RTN4IP1: variants seen among roughly 807,000 people sequenced by gnomAD.
The protein encoded by RTN4IP1 is reticulon 4 interacting protein 1.
In RTN4IP1, 32 loss-of-function variants were observed where a neutral mutation model predicts 46.6. The ratio of observed to expected loss-of-function variants is 0.69; its 90% CI spans 0.52 to 0.92. The LOEUF (loss-of-function observed/expected upper bound fraction) is 0.92, where lower values mean the gene tolerates loss of function less well. Among genes scored for constraint, RTN4IP1 ranks in the 40% least tolerant of loss-of-function variants. The probability of loss-of-function intolerance (pLI) is 0.00; values close to 1 mark genes in which losing one functional copy is unlikely to be tolerated. For missense variants in RTN4IP1, 424 were observed against 485.8 expected, an observed-to-expected ratio of 0.87 and a Z score of 1.20; for synonymous variants, 167 against 161.8, an observed-to-expected ratio of 1.03 and a Z score of -0.24.
intron 8 of RTN4IP1, among the ~76,000 whole-genome samples, chr6:106,582,292 G>T (rs1369544928): frequency 2.0e-5 from 3 of 152,170 alleles, no homozygotes; most frequent in Non-Finnish European, 4.4e-5. Context: ...CCACCTCCAG[G>T]GGCTCTGTCC....
At chr6:106,614,952 A>C (rs6924412) in intron 4 of RTN4IP1, among the ~76,000 whole-genome samples, 118,269 of 139,338 alleles carry the variant, frequency 0.85, 50,949 homozygotes, top group South Asian at 0.93. Context: ...AAGTGCCCAC[A>C]GCCCCCACCC....
chr6:106,608,451 T>C (rs1253619890), intron 4 of RTN4IP1, among the ~76,000 whole-genome samples: 2 of 152,112 alleles, frequency 1.3e-5, no homozygotes, highest in Non-Finnish European at 2.9e-5. Context: ...TAATAATAAT[T>C]TATTGTATAC....
chr6:106,600,898 G>A (rs1191062141), intron 5 of RTN4IP1, among the ~76,000 whole-genome samples: 1 of 151,780 alleles, frequency 6.6e-6, no homozygotes, highest in Non-Finnish European at 1.5e-5. Flanking sequence ...GAATATTCAT[G>A]AATAAGATTA....
At chr6:106,601,455 G>T (rs1775946344) in intron 5 of RTN4IP1, among the ~76,000 whole-genome samples, 1 of 151,972 alleles carries the variant, frequency 6.6e-6, no homozygotes, top group Non-Finnish European at 1.5e-5. Context: ...TGCTTTGGGT[G>T]TCATATCTAA....
chr6:106,619,221 T>G lies in RTN4IP1; in HGVS notation c.601A>C (p.Lys201Gln), dbSNP rs200457692. ...ACTTACCGTTTTCCTGTGCAATTCT[T>G]GTCATTCAGGCCACCAACTTTGTTT... ...AINKVGGLND[K>Q]NCTGKRVLIL... The change falls in exon 4 of 9, where the codon AAG becomes CAG. Residue 201 changes from lysine to glutamine, a missense_variant. Coordinates refer to ENST00000369063, the MANE Select transcript of RTN4IP1 (RefSeq NM_032730.5). The G allele has an allele frequency of 1.2e-6, 2 of 1,614,076 alleles. No homozygotes were observed. The highest frequency in any genetic ancestry group is 8.5e-7 in the Non-Finnish European group (1 of 1,180,028).
chr6:106,587,046 C>T (rs1775504193), intron 7 of RTN4IP1, among the ~76,000 whole-genome samples: 1 of 152,180 alleles, frequency 6.6e-6, no homozygotes, highest in Admixed American at 6.5e-5. Flanking sequence ...ACACGGAATA[C>T]ACAGTGTTAG....
At chr6:106,624,545 C>T (rs1034932658) in intron 1 of RTN4IP1, among the ~76,000 whole-genome samples, 1 of 151,482 alleles carries the variant, frequency 6.6e-6, no homozygotes, top group Non-Finnish European at 1.5e-5. Flanking sequence ...TCATGTTGGC[C>T]AGGCTGGTCT....
intron 8 of RTN4IP1, among the ~76,000 whole-genome samples, chr6:106,577,939 T>C (rs1775270163): frequency 6.6e-6 from 1 of 152,228 alleles, no homozygotes; most frequent in Non-Finnish European, 1.5e-5. Flanking sequence ...CAAAATCTTA[T>C]TATTATAAGA....
At chr6:106,619,956 G>C (rs1582389568) in intron 3 of RTN4IP1, among the ~76,000 whole-genome samples, 1 of 151,824 alleles carries the variant, frequency 6.6e-6, no homozygotes, top group South Asian at 2.1e-4. Flanking sequence ...TTATTGTAAG[G>C]ATACAGTATA....
At chr6:106,626,785 G>C (rs1776658693) in intron 1 of RTN4IP1, among the ~76,000 whole-genome samples, 1 of 152,190 alleles carries the variant, frequency 6.6e-6, no homozygotes, top group South Asian at 2.1e-4. Context: ...CTTGTTCAGA[G>C]AGTTGGGCCA....
At chr6:106,590,222 A>G (rs1172964152) in intron 6 of RTN4IP1, among the ~76,000 whole-genome samples, 1 of 152,154 alleles carries the variant, frequency 6.6e-6, no homozygotes, top group Non-Finnish European at 1.5e-5. Context: ...CAGGAGGCTG[A>G]GGCACAAGAA....
intron 8 of RTN4IP1, among the ~76,000 whole-genome samples, chr6:106,579,781 CT>C (rs879519568): frequency 0.046 from 6,672 of 145,230 alleles, 224 homozygotes; most frequent in Non-Finnish European, 0.067. Context: ...AATCCAGATT[CT>C]TTTTTTTTTT....
intron 8 of RTN4IP1, among the ~76,000 whole-genome samples, chr6:106,578,513 T>G (rs1248487359): frequency 6.6e-6 from 1 of 152,194 alleles, no homozygotes; most frequent in Admixed American, 6.5e-5. Flanking sequence ...ACAGGAACTG[T>G]TTTTTGTGCT....
intron 6 of RTN4IP1, among the ~76,000 whole-genome samples, chr6:106,589,300 AGAG>A (rs1275678816): frequency 2.3e-4 from 28 of 119,188 alleles, no homozygotes; most frequent in African/African-American, 5.8e-4. Flanking sequence ...GAGAAGAAGA[AGAG>A]GAGGAGGAGG....
intron 3 of RTN4IP1, among the ~76,000 whole-genome samples, chr6:106,619,857 C>T (rs9398097): frequency 0.28 from 41,947 of 151,674 alleles, 6,242 homozygotes; most frequent in East Asian, 0.45. Flanking sequence ...GTGATCCGCC[C>T]GCCTCGGCCT....
rs9486423 is a variant in RTN4IP1 at position 106,604,185 on chromosome 6, C to G, written c.621-1263G>C. Among the ~76,000 whole-genome samples, 286 of 152,192 alleles carry G rather than the reference C, an allele frequency of 1.9e-3. 1 individual carries two copies. The highest frequency in any genetic ancestry group is 6.7e-3 in the African/African-American group (277 of 41,544). ...CACCCTAGTTTCATTTCATTTTTTTCTATCTTGCCCAAATCATAGAAGGCT... is the reference window on the plus strand; with the variant it reads ...CACCCTAGTTTCATTTCATTTTTTTGTATCTTGCCCAAATCATAGAAGGCT... On this transcript the variant is annotated intron_variant, in intron 4 of 8. Transcript: ENST00000369063.
intron 4 of RTN4IP1, among the ~76,000 whole-genome samples, chr6:106,611,864 T>G (rs1196989199): frequency 6.6e-6 from 1 of 152,194 alleles, no homozygotes; most frequent in African/African-American, 2.4e-5. Flanking sequence ...AACAAAGCTA[T>G]TTATATATCT....
rs1775057711 is a variant in RTN4IP1 at position 106,571,506 on chromosome 6, C to T, written c.*490G>A. The T allele has an allele frequency of 6.4e-6, 1 of 155,464 alleles. No individual in the cohort carries two copies. The highest frequency in any genetic ancestry group is 6.4e-5 in the Admixed American group (1 of 15,590). 9.6% of individuals were successfully genotyped at this position (155,464 alleles called of 1,614,324 possible). A position where few individuals can be genotyped will look rare whatever the true frequency, so the allele number is the denominator to read the frequency against. ...TTAAGCCCAGGAGTTTGAGACCAGC[C>T]TGGGCAACATGGCAAAACTGTCTCT... On this transcript the variant is annotated 3_prime_UTR_variant, in exon 9 of 9. Coordinates refer to ENST00000369063, the MANE Select transcript of RTN4IP1 (RefSeq NM_032730.5).
At chr6:106,621,780 C>T (rs958476006) in intron 2 of RTN4IP1, among the ~76,000 whole-genome samples, 2 of 152,186 alleles carry the variant, frequency 1.3e-5, no homozygotes, top group Admixed American at 1.3e-4. Context: ...GTCCTGGCTC[C>T]ACCACTTATT....
Sources: gnomAD v4.1 joint callset for allele counts (sites outside exome capture counted in the v4.1 genomes callset) on GRCh38, gnomAD v4.1.1 for gene constraint, MANE v1.5 for transcripts, NCBI Gene and HGNC (gene_info 2026-07-23, HGNC 2026-07-21) for gene names.